AP3B1: variants seen among roughly 807,000 people sequenced by gnomAD.
AP3B1 encodes adaptor related protein complex 3 subunit beta 1, also known as AP-3 complex subunit beta-1.
A neutral mutation model predicts 132.5 loss-of-function variants in AP3B1; 61 were observed. The observed-to-expected ratio is 0.46, with a 90% CI of 0.37 to 0.57. The LOEUF (loss-of-function observed/expected upper bound fraction) is 0.57. AP3B1 is among the 20% of genes least tolerant of loss of function. The probability of loss-of-function intolerance (pLI) is 0.00; values close to 1 mark genes in which losing one functional copy is unlikely to be tolerated. For synonymous variants in AP3B1, 388 were observed against 438.3 expected (o/e 0.89, Z 1.43); for missense variants, 1,120 against 1,289.4 (o/e 0.87, Z 2.01).
chr5:78,122,508 C>T lies in AP3B1; in HGVS notation c.1968+5522G>A, dbSNP rs562147058. On this transcript the variant is annotated intron_variant, in intron 17 of 26. Coordinates refer to ENST00000255194, the MANE Select transcript of AP3B1 (RefSeq NM_003664.5). The stretch of plus-strand genomic sequence containing the variant: ...GCAACTTCAGCAAAGTCTCAGGATA[C>T]AAAATCAATGTGCAAAAATCACAAG... Among the ~76,000 whole-genome samples the T allele has an allele frequency of 4.7e-3, 714 of 152,254 alleles. 3 individuals are homozygous for T. The highest frequency in any genetic ancestry group is 0.016 in the African/African-American group (665 of 41,542).
chr5:78,014,853 G>A (rs913852574), intron 26 of AP3B1, among the ~76,000 whole-genome samples: 1 of 152,130 alleles, frequency 6.6e-6, no homozygotes, highest in African/African-American at 2.4e-5. Context: ...TGCCTTTCAG[G>A]ACAAATAACT....
intron 14 of AP3B1, among the ~76,000 whole-genome samples, chr5:78,153,977 T>C (rs1743025458): frequency 6.6e-6 from 1 of 152,210 alleles, no homozygotes; most frequent in Admixed American, 6.5e-5. Context: ...CATGAGTACT[T>C]CATACACCAC....
chr5:78,096,281 G>T (rs370007330), intron 21 of AP3B1, among the ~76,000 whole-genome samples: 2 of 152,202 alleles, frequency 1.3e-5, no homozygotes, highest in African/African-American at 2.4e-5. Flanking sequence ...CAGAGGTGCC[G>T]GGATTGCAGA....
intron 8 of AP3B1, among the ~76,000 whole-genome samples, chr5:78,178,198 C>G (rs1028645252): frequency 2.0e-5 from 3 of 152,148 alleles, no homozygotes; most frequent in African/African-American, 7.2e-5. Context: ...ATAAAGAAAA[C>G]TCAGCACATT....
At chr5:78,191,542 T>C (rs1019660347) in intron 7 of AP3B1, among the ~76,000 whole-genome samples, 2 of 152,048 alleles carry the variant, frequency 1.3e-5, no homozygotes, top group Non-Finnish European at 2.9e-5. Flanking sequence ...ATCTATGTCT[T>C]GGGGAGTAAC....
At chr5:78,132,011 T>C (rs1272937460) in intron 15 of AP3B1, among the ~76,000 whole-genome samples, 1 of 152,190 alleles carries the variant, frequency 6.6e-6, no homozygotes. Flanking sequence ...CACAAAATCA[T>C]GTATCTAAAA....
chr5:78,197,558 A>G (rs1389209903), intron 7 of AP3B1, among the ~76,000 whole-genome samples: 1 of 152,172 alleles, frequency 6.6e-6, no homozygotes, highest in Admixed American at 6.5e-5. Flanking sequence ...AAAAATAGTA[A>G]TAAGTCAGTA....
intron 21 of AP3B1, among the ~76,000 whole-genome samples, chr5:78,092,457 G>T (rs1347070615): frequency 6.6e-6 from 1 of 152,118 alleles, no homozygotes; most frequent in Non-Finnish European, 1.5e-5. Context: ...AATTAGTAAT[G>T]TGTAAAAACA....
intron 23 of AP3B1, among the ~76,000 whole-genome samples, chr5:78,038,135 C>T (rs1747881509): frequency 6.6e-6 from 1 of 152,288 alleles, no homozygotes; most frequent in Admixed American, 6.5e-5. Context: ...TCATTGGTTG[C>T]TGCATGTGGG....
intron 20 of AP3B1, among the ~76,000 whole-genome samples, chr5:78,109,637 C>T (rs1036602360): frequency 1.1e-4 from 17 of 152,032 alleles, no homozygotes; most frequent in Admixed American, 9.2e-4. Flanking sequence ...AGATAGAATA[C>T]ATTTTATATT....
chr5:78,140,556 A>G (rs2112325298), intron 15 of AP3B1, among the ~76,000 whole-genome samples: 1 of 152,304 alleles, frequency 6.6e-6, no homozygotes, highest in Non-Finnish European at 1.5e-5. Flanking sequence ...GCTAGCTCTC[A>G]GGGATCTCTT....
chr5:78,137,981 G>A (rs978268706), intron 15 of AP3B1, among the ~76,000 whole-genome samples: 2 of 151,868 alleles, frequency 1.3e-5, no homozygotes, highest in Non-Finnish European at 2.9e-5. Context: ...AAGACTTCAC[G>A]GCAAACCAGC....
chr5:78,165,757 T>C, intron 11 of AP3B1, 85 bp from the exon 12 acceptor site: 1 of 969,256 alleles, frequency 1.0e-6, no homozygotes, highest in Non-Finnish European at 1.6e-6. Context: ...TAATTGAAAG[T>C]TTATTTCTAC....
At position 78,122,767 on chromosome 5, in the gene AP3B1, C is replaced by T. The variant is rs569172123; in HGVS notation, c.1968+5263G>A. On this transcript the variant is annotated intron_variant, in intron 17 of 26. Coordinates refer to ENST00000255194, the MANE Select transcript of AP3B1 (RefSeq NM_003664.5). ...AATCAATACCGTGAAAATGGCCATA[C>T]TGCCCAAGGTAATTTATAGATTCAA... Among the ~76,000 whole-genome samples, 9 of 152,314 alleles carry T rather than the reference C, an allele frequency of 5.9e-5. No individual in the cohort carries two copies. In the South Asian group the frequency reaches 1.9e-3, roughly 32 times the overall value.
At chr5:78,056,818 T>A (rs1748834240) in intron 22 of AP3B1, among the ~76,000 whole-genome samples, 1 of 152,164 alleles carries the variant, frequency 6.6e-6, no homozygotes, top group Non-Finnish European at 1.5e-5. Context: ...TATAGTGACA[T>A]CATTTAAAAG....
chr5:78,054,978 G>C (rs1215541640), intron 22 of AP3B1, among the ~76,000 whole-genome samples: 3 of 149,968 alleles, frequency 2.0e-5, no homozygotes, highest in Non-Finnish European at 4.4e-5. Context: ...TGGGGAAATG[G>C]GTTCCCTGAG....
intron 17 of AP3B1, among the ~76,000 whole-genome samples, chr5:78,122,833 T>C (rs1019952789): frequency 4.5e-4 from 69 of 152,274 alleles, no homozygotes; most frequent in African/African-American, 1.5e-3. Context: ...CTTCACAGAA[T>C]TGGAAAAAAC....
intron 22 of AP3B1, among the ~76,000 whole-genome samples, chr5:78,065,456 G>C (rs1408051474): frequency 2.0e-5 from 3 of 152,140 alleles, no homozygotes; most frequent in Non-Finnish European, 4.4e-5. Flanking sequence ...TGCAGCTCCA[G>C]GCTGCCGTTT....
intron 15 of AP3B1, among the ~76,000 whole-genome samples, chr5:78,131,205 G>T (rs139993561): frequency 6.3e-4 from 96 of 151,826 alleles, no homozygotes; most frequent in African/African-American, 2.0e-3. Context: ...TATGTATCTA[G>T]TAACAAGGCA....
Sources: gnomAD v4.1 joint callset for allele counts (sites outside exome capture counted in the v4.1 genomes callset) on GRCh38, gnomAD v4.1.1 for gene constraint, MANE v1.5 for transcripts, NCBI Gene and HGNC (gene_info 2026-07-23, HGNC 2026-07-21) for gene names.